Variants in ZBTB8B observed in about 807,000 individuals in gnomAD.
ZBTB8B encodes the protein zinc finger and BTB domain-containing protein 8B.
ZBTB8B carries 17 observed loss-of-function variants against 30.3 expected under a neutral mutation model. The ratio of observed to expected loss-of-function variants is 0.56; its 90% CI spans 0.38 to 0.84. The LOEUF (loss-of-function observed/expected upper bound fraction) is 0.84. Ranked by LOEUF, ZBTB8B falls within the 40% of genes least tolerant of loss-of-function variation. The pLI is 0.00. For synonymous variants in ZBTB8B, 248 were observed against 255.6 expected, an observed-to-expected ratio of 0.97 and a Z score of 0.28; for missense variants, 515 against 644.9, an observed-to-expected ratio of 0.80 and a Z score of 2.18.
chr1:32,467,833 C>T (rs1643583380), intron 1 of ZBTB8B, among the ~76,000 whole-genome samples: 1 of 151,652 alleles, frequency 6.6e-6, no homozygotes, highest in Admixed American at 6.6e-5. Flanking sequence ...AACTCAGAGG[C>T]CAGGTGTGGT....
chr1:32,468,380 A>T lies in ZBTB8B; in HGVS notation c.-41-2204A>T, dbSNP rs560849688. Reference sequence around the variant, plus strand: ...TCCAGCAAATGTTTCATTGCTTTTCATTGGCTCTGAAAACTACATGGCCAT... The same window carrying T: ...TCCAGCAAATGTTTCATTGCTTTTCTTTGGCTCTGAAAACTACATGGCCAT... On this transcript the variant is annotated intron_variant, in intron 1 of 3. Coordinates refer to ENST00000609129, the MANE Select transcript of ZBTB8B (RefSeq NM_001145720.2). Among the ~76,000 whole-genome samples, 99 of 152,244 alleles carry T rather than the reference A, an allele frequency of 6.5e-4. 1 individual carries two copies. The highest frequency in any genetic ancestry group is 2.2e-3 in the African/African-American group (92 of 41,532).
rs771441556 is a variant in ZBTB8B at position 32,471,124 on chromosome 1, G to A, written c.500G>A (p.Gly167Glu). The change falls in exon 2 of 4, where the codon GGG becomes GAG. Residue 167 changes from glycine (G) to glutamate (E), a missense_variant. Around this residue, in one of 3 missense-constraint regions of ZBTB8B, gnomAD observed 429 missense variants for 504.3 expected, o/e 0.85. Coordinates refer to ENST00000609129, the MANE Select transcript of ZBTB8B (RefSeq NM_001145720.2). Reference sequence around the variant, plus strand: ...GAAAGCCCCAGTTCAGGCCGGGAGGGGACCTCCTGTGGTACCAAGAGCTTG... The same window carrying A: ...GAAAGCCCCAGTTCAGGCCGGGAGGAGACCTCCTGTGGTACCAAGAGCTTG... ...DSESPSSGRE[G>E]TSCGTKSLVS... The A allele has an allele frequency of 3.2e-6, 5 of 1,551,512 alleles. No homozygotes were observed. In the South Asian group the frequency reaches 5.9e-5, roughly 18 times the overall value.
chr1:32,467,107 T>C lies in ZBTB8B; in HGVS notation c.-42+2002T>C, dbSNP rs560235100. On this transcript the variant is annotated intron_variant, in intron 1 of 3. Coordinates refer to ENST00000609129, the MANE Select transcript of ZBTB8B (RefSeq NM_001145720.2). The stretch of plus-strand genomic sequence containing the variant: ...GGGAGGTCGAGGCGGCAGTGAACTG[T>C]GATCATGGACTGCACTCCAGCCTGG... 3.9e-5 allele frequency among the ~76,000 whole-genome samples: 6 copies of C among 152,218 alleles called. No individual in the cohort carries two copies. In the South Asian group the frequency reaches 1.2e-3, roughly 32 times the overall value.
At position 32,477,738 on chromosome 1, in the gene ZBTB8B, C is replaced by CA. The variant is rs544220090; in HGVS notation, c.992-3137dup. On this transcript the variant is annotated intron_variant, in intron 2 of 3. Transcript: ENST00000609129. ...ACAACATAGTGAGACTCTGTCTCTA[C>CA]AAAAAAAAAAAAAAAATTGTTAAAT... Among the ~76,000 whole-genome samples, 834 of 100,698 alleles carry CA rather than the reference C, an allele frequency of 8.3e-3. 3 individuals are homozygous for CA. The highest frequency in any genetic ancestry group is 0.015 in the African/African-American group (399 of 26,910). The allele number at this position is 100,698 out of a possible 152,430, so 66.1% of individuals were successfully genotyped here. A position where few individuals can be genotyped will look rare whatever the true frequency, so the allele number is the denominator to read the frequency against.
chr1:32,471,958 CCATCATCTCCAGTATCACCATCATCAT>C (rs1354011231), intron 2 of ZBTB8B, among the ~76,000 whole-genome samples: 1 of 139,904 alleles, frequency 7.1e-6, no homozygotes. Context: ...ATCATCATTA[CCATCATCTCCAGTATCACCATCATCAT>C]TACCATCATC....
At position 32,489,815 on chromosome 1, in the gene ZBTB8B, A is replaced by G. The variant is rs1330864037; in HGVS notation, c.*4397A>G. 2 of 152,170 alleles carry G rather than the reference A, an allele frequency of 1.3e-5. No individual in the cohort carries two copies. The highest frequency in any genetic ancestry group is 2.9e-5 in the Non-Finnish European group (2 of 68,024). The allele number at this position is 152,170 out of a possible 1,614,324, so 9.4% of individuals were successfully genotyped here. A position where few individuals can be genotyped will look rare whatever the true frequency, so the allele number is the denominator to read the frequency against. On this transcript the variant is annotated 3_prime_UTR_variant, in exon 4 of 4. Coordinates refer to ENST00000609129, the MANE Select transcript of ZBTB8B (RefSeq NM_001145720.2). ...AAGGAATGTAAATAGGGCCTTACCTATAATAATTAAGAAATGACATAGTGC... is the reference window on the plus strand; with the variant it reads ...AAGGAATGTAAATAGGGCCTTACCTGTAATAATTAAGAAATGACATAGTGC...
intron 2 of ZBTB8B, among the ~76,000 whole-genome samples, chr1:32,475,269 A>G (rs2019117): frequency 1 from 152,348 of 152,352 alleles, 76,172 homozygotes; most frequent in Non-Finnish European, 1. Context: ...AAGAACTGAT[A>G]GTGTTGTATA....
chr1:32,467,443 G>A (rs1643580292), intron 1 of ZBTB8B, among the ~76,000 whole-genome samples: 1 of 151,696 alleles, frequency 6.6e-6, no homozygotes, highest in Non-Finnish European at 1.5e-5. Flanking sequence ...TAGTAGAGAC[G>A]GGGTTTCACT....
rs1570252328 is a variant in ZBTB8B, at chr1:32,470,569, G to A, written c.-41-15G>A. 8.5e-6 allele frequency: 9 copies of A among 1,063,340 alleles called. No individual in the cohort carries two copies. Among genetic ancestry groups the A allele is most frequent in the South Asian group, 7.0e-5 (4 of 57,306 alleles). The allele number at this position is 1,063,340 out of a possible 1,614,324, so 65.9% of individuals were successfully genotyped here. On this transcript the variant is annotated splice_polypyrimidine_tract_variant and intron_variant, in intron 1 of 3. Coordinates refer to ENST00000609129, the MANE Select transcript of ZBTB8B (RefSeq NM_001145720.2). ...GGTTGGGATTTGTGAATTAACTTAA[G>A]AAAAATCTTGGCAGAGATACAGGTT...
At chr1:32,472,427 A>T (rs1405514411) in intron 2 of ZBTB8B, among the ~76,000 whole-genome samples, 1 of 152,200 alleles carries the variant, frequency 6.6e-6, no homozygotes, top group African/African-American at 2.4e-5. Flanking sequence ...TTTTTCTCAC[A>T]TATCATCTTA....
In ZBTB8B at chr1:32,483,247, A is replaced by C. The variant is rs1183030584; in HGVS notation, c.1171-1854A>C. On this transcript the variant is annotated intron_variant, in intron 3 of 3. Coordinates refer to ENST00000609129, the MANE Select transcript of ZBTB8B (RefSeq NM_001145720.2). ...AACCCCTTATCTACTAAAAATCCAA[A>C]AAAAAAAAAAAAAAAAAAAAAAAAA... Among the ~76,000 whole-genome samples, 18 of 134,416 alleles carry C rather than the reference A, an allele frequency of 1.3e-4. 2 individuals carry two copies. Among genetic ancestry groups the C allele is most frequent in the African/African-American group, 3.8e-4 (13 of 34,556 alleles). 88.2% of individuals were successfully genotyped at this position (134,416 alleles called of 152,430 possible).
intron 3 of ZBTB8B, among the ~76,000 whole-genome samples, chr1:32,481,436 G>A (rs979135530): frequency 5.9e-5 from 9 of 151,828 alleles, no homozygotes; most frequent in Non-Finnish European, 7.4e-5. Flanking sequence ...GTTTCCCACC[G>A]AGCCCCAGCA....
At position 32,485,571 on chromosome 1, in the gene ZBTB8B, T is replaced by C. The variant is rs1643739560; in HGVS notation, c.*153T>C. 2 of 825,094 alleles carry C rather than the reference T, an allele frequency of 2.4e-6. No individual in the cohort carries two copies. 51.1% of individuals were successfully genotyped at this position (825,094 alleles called of 1,614,324 possible). A position where few individuals can be genotyped will look rare whatever the true frequency, so the allele number is the denominator to read the frequency against. ...TTTTATTAGACTATCTGATAGAGGT[T>C]GGATTTTGTGACTCAAAGGACAGAT... On this transcript the variant is annotated 3_prime_UTR_variant, in exon 4 of 4. Coordinates refer to ENST00000609129, the MANE Select transcript of ZBTB8B (RefSeq NM_001145720.2).
At chr1:32,480,788 C>G (rs1456331485) in intron 2 of ZBTB8B, 103 bp from the exon 3 acceptor site, 1 of 1,148,420 alleles carries the variant, frequency 8.7e-7, no homozygotes, top group East Asian at 2.7e-5. Context: ...CCTCTTCTAT[C>G]TGGGCTGGTG....
At chr1:32,479,210 A>G (rs1274575383) in intron 2 of ZBTB8B, among the ~76,000 whole-genome samples, 1 of 152,172 alleles carries the variant, frequency 6.6e-6, no homozygotes, top group African/African-American at 2.4e-5. Context: ...GTCTATAAAT[A>G]TTGAAGGGCA....
intron 2 of ZBTB8B, among the ~76,000 whole-genome samples, chr1:32,471,948 A>G (rs1357087298): frequency 7.1e-6 from 1 of 139,990 alleles, no homozygotes; most frequent in Non-Finnish European, 1.7e-5. Flanking sequence ...CAGTACCATC[A>G]TCATCATTAC....
chr1:32,476,884 T>C (rs1643668425), intron 2 of ZBTB8B, among the ~76,000 whole-genome samples: 1 of 152,134 alleles, frequency 6.6e-6, no homozygotes, highest in Non-Finnish European at 1.5e-5. Context: ...GTCTATTCTG[T>C]TCACTGTTGT....
At position 32,484,985 on chromosome 1, in the gene ZBTB8B, G is replaced by A. The variant is rs1643732837; in HGVS notation, c.1171-116G>A. 1 of 897,174 alleles carries A rather than the reference G, an allele frequency of 1.1e-6. No homozygotes were observed. Among genetic ancestry groups the A allele is most frequent in the African/African-American group, 1.7e-5 (1 of 59,912 alleles). 55.6% of individuals were successfully genotyped at this position (897,174 alleles called of 1,614,324 possible). The stretch of plus-strand genomic sequence containing the variant: ...ACAAAGACTGTGGCAGAGAATGCAG[G>A]TGGAGTGCTGAAAAAGGAATCGGGA... On this transcript the variant is annotated intron_variant, in intron 3 of 3. Transcript: ENST00000609129. This position sits in a 1 kb window ranked among gnomAD's most constrained non-coding sequence, Gnocchi z 4.5.
At position 32,477,127 on chromosome 1, in the gene ZBTB8B, T is replaced by G. The variant is rs554445514; in HGVS notation, c.992-3764T>G. ...AAGTCCTGGTGAACTCCTGTTCATC[T>G]TTTAAAACCTTGCTCAAAGTTAACC... On this transcript the variant is annotated intron_variant, in intron 2 of 3. Transcript: ENST00000609129. 3.3e-5 allele frequency among the ~76,000 whole-genome samples: 5 copies of G among 152,260 alleles called. No homozygotes were observed. In the East Asian group the frequency reaches 9.6e-4, roughly 29 times the overall value.
Sources: gnomAD v4.1 joint callset for allele counts (sites outside exome capture counted in the v4.1 genomes callset) on GRCh38, gnomAD v4.1.1 for gene constraint, gnomAD v4.1.1 regional missense constraint, Gnocchi (gnomAD v3.1) non-coding constraint, MANE v1.5 for transcripts, NCBI Gene and HGNC (gene_info 2026-07-23, HGNC 2026-07-21) for gene names.